KCNIP1: variants seen among roughly 807,000 people sequenced by gnomAD.
The protein encoded by KCNIP1 is A-type potassium channel modulatory protein KCNIP1.
KCNIP1 carries 18 observed loss-of-function variants against 33.0 expected under a neutral mutation model. The observed-to-expected ratio is 0.55, with a 90% CI of 0.38 to 0.81. The LOEUF (loss-of-function observed/expected upper bound fraction) is 0.81, where lower values mean the gene tolerates loss of function less well. Ranked by LOEUF, KCNIP1 falls within the 30% of genes least tolerant of loss-of-function variation. The pLI is 0.00. For synonymous variants in KCNIP1, 93 were observed against 98.3 expected, an observed-to-expected ratio of 0.95 and a Z score of 0.32; for missense variants, 238 against 271.6, an observed-to-expected ratio of 0.88 and a Z score of 0.87.
intron 4 of KCNIP1, among the ~76,000 whole-genome samples, 161 bp downstream of exon 4, chr5:170,722,064 C>T (rs1763844321): frequency 6.6e-6 from 1 of 152,132 alleles, no homozygotes; most frequent in East Asian, 1.9e-4. Context: ...TGGGGAAAAG[C>T]AGCAGCAACT....
At position 170,527,012 on chromosome 5, in the gene KCNIP1, C is replaced by T. The variant is rs918441387; in HGVS notation, c.61+22379C>T. Among the ~76,000 whole-genome samples the T allele has an allele frequency of 2.6e-5, 4 of 152,272 alleles. No individual in the cohort carries two copies. The South Asian group carries it at 8.3e-4, about 32-fold the overall frequency. On this transcript the variant is annotated intron_variant, in intron 1 of 7. Coordinates refer to ENST00000328939, the MANE Select transcript of KCNIP1 (RefSeq NM_014592.4). ...TTCTGGGATTACAGGTGTGAGCCACCGCACCCGGCCTGATTAGTTGCTTCT... is the reference window on the plus strand; with the variant it reads ...TTCTGGGATTACAGGTGTGAGCCACTGCACCCGGCCTGATTAGTTGCTTCT...
At chr5:170,631,717 G>T (rs1760057508) in intron 1 of KCNIP1, among the ~76,000 whole-genome samples, 1 of 152,160 alleles carries the variant, frequency 6.6e-6, no homozygotes, top group African/African-American at 2.4e-5. Flanking sequence ...CCCTCCAGAT[G>T]CCATCCACTG....
chr5:170,474,282 C>T (rs1019305167), intron 1 of KCNIP1, among the ~76,000 whole-genome samples: 4 of 152,250 alleles, frequency 2.6e-5, no homozygotes, highest in Non-Finnish European at 4.4e-5. Context: ...CCACCATCTC[C>T]GAGAAACCCA....
At chr5:170,468,828 G>A (rs1756663252) in intron 1 of KCNIP1, among the ~76,000 whole-genome samples, 1 of 151,920 alleles carries the variant, frequency 6.6e-6, no homozygotes, top group Non-Finnish European at 1.5e-5. Context: ...AGTGAGCCGA[G>A]ATCGCGCCCC....
At chr5:170,612,983 G>T (rs1759230798) in intron 1 of KCNIP1, among the ~76,000 whole-genome samples, 1 of 152,098 alleles carries the variant, frequency 6.6e-6, no homozygotes, top group Non-Finnish European at 1.5e-5. Flanking sequence ...CTAAGTCCTG[G>T]TCCCATCCGC....
chr5:170,571,164 A>C (rs1321078686), intron 1 of KCNIP1, among the ~76,000 whole-genome samples: 1 of 152,028 alleles, frequency 6.6e-6, no homozygotes, highest in Non-Finnish European at 1.5e-5. Context: ...CCCGGTCCTC[A>C]CTCACTTTCC....
At chr5:170,445,781 T>A (rs1756099457) in intron 1 of KCNIP1, among the ~76,000 whole-genome samples, 1 of 152,204 alleles carries the variant, frequency 6.6e-6, no homozygotes, top group Admixed American at 6.5e-5. Context: ...TGGATCTAAA[T>A]TATCAGGGCC....
chr5:170,632,694 G>A (rs1760102103), intron 1 of KCNIP1, among the ~76,000 whole-genome samples: 2 of 152,234 alleles, frequency 1.3e-5, no homozygotes, highest in Non-Finnish European at 1.5e-5. Flanking sequence ...GCCTCCTGCT[G>A]TGCCTTCTCT....
chr5:170,589,111 G>A (rs2113543480), intron 1 of KCNIP1, among the ~76,000 whole-genome samples: 1 of 147,780 alleles, frequency 6.8e-6, no homozygotes, highest in South Asian at 2.1e-4. Context: ...CCATTCTCCT[G>A]CCTCAGCCTC....
At chr5:170,436,941 C>T (rs890685424) in intron 1 of KCNIP1, among the ~76,000 whole-genome samples, 1 of 152,184 alleles carries the variant, frequency 6.6e-6, no homozygotes, top group African/African-American at 2.4e-5. Flanking sequence ...TAACAAAAGA[C>T]AGACTCACAA....
At chr5:170,656,718 T>G (rs1299919296) in intron 1 of KCNIP1, among the ~76,000 whole-genome samples, 2 of 152,190 alleles carry the variant, frequency 1.3e-5, no homozygotes, top group Non-Finnish European at 2.9e-5. Context: ...CACCATCTCA[T>G]AGACATTTTC....
At chr5:170,592,060 A>C (rs1272419738) in intron 1 of KCNIP1, among the ~76,000 whole-genome samples, 1 of 152,182 alleles carries the variant, frequency 6.6e-6, no homozygotes, top group African/African-American at 2.4e-5. Flanking sequence ...TTACATTCCT[A>C]CCAGCAGTGC....
chr5:170,559,370 T>G (rs549523598), intron 1 of KCNIP1, among the ~76,000 whole-genome samples: 16 of 152,296 alleles, frequency 1.1e-4, no homozygotes, highest in Non-Finnish European at 2.1e-4. Context: ...ATTTTTGGCT[T>G]CCTCCCCAGT....
chr5:170,679,626 AGTGTGTGT>A (rs58712710), intron 1 of KCNIP1, among the ~76,000 whole-genome samples: 37 of 144,498 alleles, frequency 2.6e-4, no homozygotes, highest in African/African-American at 8.0e-4. Context: ...TGTATATGAC[AGTGTGTGT>A]GTGTGTGTGT....
intron 1 of KCNIP1, among the ~76,000 whole-genome samples, chr5:170,370,835 G>C (rs1393116959): frequency 6.6e-6 from 1 of 152,162 alleles, no homozygotes; most frequent in African/African-American, 2.4e-5. Flanking sequence ...AATTCAGAAG[G>C]GTTGGAAAGA....
intron 1 of KCNIP1, among the ~76,000 whole-genome samples, chr5:170,492,639 T>A (rs1050657660): frequency 6.6e-6 from 1 of 152,150 alleles, no homozygotes; most frequent in Non-Finnish European, 1.5e-5. Flanking sequence ...TATCAAAGGC[T>A]CACCAAGAGT....
chr5:170,488,669 A>G (rs1013826532), intron 1 of KCNIP1, among the ~76,000 whole-genome samples: 7 of 152,206 alleles, frequency 4.6e-5, no homozygotes, highest in African/African-American at 1.4e-4. Flanking sequence ...CAGAAGGTAG[A>G]GAGAGACTGT....
rs145584245 is a variant in KCNIP1, at chr5:170,407,807, G to A, written c.88+53843G>A. ...ACATTCCTGCTCAGGTTCCAAACATGTCATAGCGGATTTATGGGTGTAAAT... is the reference window on the plus strand; with the variant it reads ...ACATTCCTGCTCAGGTTCCAAACATATCATAGCGGATTTATGGGTGTAAAT... On this transcript the variant is annotated intron_variant, in intron 1 of 7. Coordinates refer to the KCNIP1 transcript ENST00000377360. Among the ~76,000 whole-genome samples the A allele has an allele frequency of 2.6e-3, 402 of 152,324 alleles. 5 individuals carry two copies. The highest frequency in any genetic ancestry group is 5.9e-3 in the Admixed American group (90 of 15,302).
At chr5:170,436,666 C>T (rs1449920071) in intron 1 of KCNIP1, among the ~76,000 whole-genome samples, 1 of 152,204 alleles carries the variant, frequency 6.6e-6, no homozygotes, top group African/African-American at 2.4e-5. Flanking sequence ...TGTCTGTGCC[C>T]GTGCATGTGT....
Sources: allele counts gnomAD v4.1 joint callset (sites outside exome capture counted in the v4.1 genomes callset), GRCh38; gene constraint gnomAD v4.1.1; transcripts MANE v1.5; gene names NCBI Gene and HGNC (gene_info 2026-07-23, HGNC 2026-07-21).